The following CAST variants were observed in gnomAD, a reference collection of about 807,000 sequenced individuals.
The protein encoded by CAST is MIR583 host.
Under a neutral mutation model 119.6 loss-of-function variants are expected in CAST, and 76 were observed. The ratio of observed to expected loss-of-function variants is 0.64; its 90% CI spans 0.53 to 0.77. CAST has a LOEUF of 0.77. CAST is among the 30% of genes least tolerant of loss of function. CAST has a pLI of 0.00. For synonymous variants in CAST, 319 were observed against 331.6 expected (o/e 0.96, Z 0.41); for missense variants, 953 against 946.5 (o/e 1.01, Z -0.09).
the CAST span, among the ~76,000 whole-genome samples, chr5:96,097,638 A>G: frequency 7.1e-3 from 1,075 of 152,258 alleles, 4 homozygotes; most frequent in Non-Finnish European, 0.01. Flanking sequence ...AGCTCCATCC[A>G]TGTCCCTGCA....
chr5:96,771,500 G>T, intron 30 of CAST, 144 bp from the exon 31 acceptor site: 1 of 575,114 alleles, frequency 1.7e-6, no homozygotes, highest in Admixed American at 3.1e-5. Context: ...ACAATATTGT[G>T]GCCAGATGAA....
At chr5:96,663,483 G>A (rs866651508) in intron 1 of CAST, among the ~76,000 whole-genome samples, 109 of 152,354 alleles carry the variant, frequency 7.2e-4, no homozygotes, top group African/African-American at 2.5e-3. Flanking sequence ...GAGGAATTCT[G>A]TCTAGGAGGT....
At chr5:96,621,050 C>T (rs1747594440) in intron 1 of CAST, among the ~76,000 whole-genome samples, 1 of 152,222 alleles carries the variant, frequency 6.6e-6, no homozygotes, top group Non-Finnish European at 1.5e-5. Flanking sequence ...ACCCCTCCTT[C>T]AACCTCCTCA....
At chr5:96,304,368 G>T in the CAST span, among the ~76,000 whole-genome samples, 11 of 152,200 alleles carry the variant, frequency 7.2e-5, no homozygotes, top group Non-Finnish European at 1.2e-4. Context: ...CAGATGGACA[G>T]ATTACAAAAA....
chr5:96,400,544 C>G, the CAST span, among the ~76,000 whole-genome samples: 1 of 152,206 alleles, frequency 6.6e-6, no homozygotes, highest in Admixed American at 6.5e-5. Context: ...TTTATGCCCT[C>G]CAGTCTCATG....
At chr5:96,029,057 A>G in the CAST span, among the ~76,000 whole-genome samples, 1 of 152,178 alleles carries the variant, frequency 6.6e-6, no homozygotes, top group East Asian at 1.9e-4. Flanking sequence ...GGAACAATTT[A>G]AACATTACCT....
intron 4 of CAST, 86 bp from the exon 5 acceptor site, chr5:96,726,708 T>A: frequency 1.1e-6 from 1 of 870,424 alleles, no homozygotes; most frequent in Non-Finnish European, 1.8e-6. Context: ...AGAATTGATA[T>A]AATCATTTTA....
rs1773449391 is a variant in CAST, at chr5:96,774,164, G to GTTTTC, written c.*1553_*1557dup. ...GGGCAGTATAGGTGTTTGCTTTTTT[G>GTTTTC]TTTTCTTTTTTTAAGAAAAACCTTG... On this transcript the variant is annotated 3_prime_UTR_variant, in exon 32 of 32. Coordinates refer to ENST00000675179, the MANE Select transcript of CAST (RefSeq NM_001750.7). 6.5e-6 allele frequency: 1 copy of GTTTTC among 153,620 alleles called. No homozygotes were observed. Among genetic ancestry groups the GTTTTC allele is most frequent in the Non-Finnish European group, 1.5e-5 (1 of 68,014 alleles). The allele number at this position is 153,620 out of a possible 1,614,324, so 9.5% of individuals were successfully genotyped here. A position where few individuals can be genotyped will look rare whatever the true frequency, so the allele number is the denominator to read the frequency against.
chr5:96,550,650 A>G (rs766667297), intron 1 of CAST, among the ~76,000 whole-genome samples: 4 of 152,244 alleles, frequency 2.6e-5, no homozygotes, highest in Non-Finnish European at 4.4e-5. Flanking sequence ...AACCATCTCA[A>G]GGAAGCTAAA....
chr5:96,501,935 G>T, the CAST span, among the ~76,000 whole-genome samples: 2 of 152,088 alleles, frequency 1.3e-5, no homozygotes, highest in African/African-American at 4.8e-5. Context: ...ATATTATCTA[G>T]GTTTGTATAA....
At chr5:96,446,461 A>T in the CAST span, among the ~76,000 whole-genome samples, 7 of 152,332 alleles carry the variant, frequency 4.6e-5, no homozygotes, top group African/African-American at 1.4e-4. Context: ...TGTTTGTGGC[A>T]GGATGAAATT....
intron 1 of CAST, among the ~76,000 whole-genome samples, chr5:96,614,581 C>T (rs1747420212): frequency 6.6e-6 from 1 of 152,098 alleles, no homozygotes; most frequent in African/African-American, 2.4e-5. Flanking sequence ...ATGATTCATT[C>T]ACTGTGGGGA....
At chr5:96,758,318 C>T (rs965032781) in intron 24 of CAST, among the ~76,000 whole-genome samples, 2 of 152,140 alleles carry the variant, frequency 1.3e-5, no homozygotes, top group African/African-American at 4.8e-5. Flanking sequence ...TATAGAGTCC[C>T]TCAAAGGGAA....
the CAST span, among the ~76,000 whole-genome samples, chr5:96,404,276 G>A: frequency 2.6e-5 from 4 of 152,134 alleles, no homozygotes; most frequent in African/African-American, 9.7e-5. Context: ...GCATTAAAAA[G>A]TGCCTGGGAG....
chr5:96,131,122 C>G, the CAST span, among the ~76,000 whole-genome samples: 1 of 151,772 alleles, frequency 6.6e-6, no homozygotes, highest in South Asian at 2.1e-4. Flanking sequence ...AAAATAGAAA[C>G]AAACTTAATG....
chr5:96,603,117 T>C (rs1444899705), intron 1 of CAST, among the ~76,000 whole-genome samples: 4 of 152,228 alleles, frequency 2.6e-5, no homozygotes. Context: ...ATCATATATT[T>C]ATTGAAATGC....
chr5:96,229,448 A>G, the CAST span, among the ~76,000 whole-genome samples: 1 of 152,058 alleles, frequency 6.6e-6, no homozygotes, highest in African/African-American at 2.4e-5. Flanking sequence ...AAAAGACACT[A>G]TTTCCATGGC....
rs1748117461 is a variant in CAST at position 96,653,261 on chromosome 5, A to C, written c.61-22278A>C. 2.6e-5 allele frequency among the ~76,000 whole-genome samples: 4 copies of C among 152,230 alleles called. No homozygotes were observed. In the South Asian group the frequency reaches 6.2e-4, roughly 24 times the overall value. ...AGGGCTAGACCCCACCTGGTATTGA[A>C]GTTATGCCAGACATGTGTTTTTAAT... On this transcript the variant is annotated intron_variant, in intron 1 of 11. Coordinates refer to the CAST transcript ENST00000505143.
rs1244855293 is a variant in CAST, at chr5:96,730,277, C to T, written c.550-503C>T. Among the ~76,000 whole-genome samples, 6 of 152,158 alleles carry T rather than the reference C, an allele frequency of 3.9e-5. No homozygotes were observed. The South Asian group carries it at 8.3e-4, about 21-fold the overall frequency. On this transcript the variant is annotated intron_variant, in intron 8 of 31. Transcript: ENST00000675179. The stretch of plus-strand genomic sequence containing the variant: ...ATTGAGAGCACTTGGAAGATAATAA[C>T]GAGGTCTGCTTCACAGTATATTTTA...
Sources: allele counts gnomAD v4.1 joint callset (sites outside exome capture counted in the v4.1 genomes callset), GRCh38; gene constraint gnomAD v4.1.1; transcripts MANE v1.5; gene names NCBI Gene and HGNC (gene_info 2026-07-23, HGNC 2026-07-21).